Variants in CAMK1G observed in about 807,000 individuals in gnomAD.
The protein encoded by CAMK1G is calcium/calmodulin-dependent protein kinase type 1G.
CAMK1G carries 27 observed loss-of-function variants against 54.8 expected under a neutral mutation model. That is an observed-to-expected ratio of 0.49 (90% confidence interval 0.36 to 0.68). The LOEUF is 0.68. Among genes scored for constraint, CAMK1G ranks in the 30% least tolerant of loss-of-function variants. The pLI, the probability that CAMK1G is intolerant of heterozygous loss-of-function variation, is 0.00. For missense variants in CAMK1G, 512 were observed against 591.0 expected (o/e 0.87, Z 1.39); for synonymous variants, 238 against 224.9 (o/e 1.06, Z -0.52).
chr1:209,611,609 T>TG, intron 10 of CAMK1G, 57 bp downstream of exon 10: 1 of 1,536,030 alleles, frequency 6.5e-7, no homozygotes, highest in Middle Eastern at 1.7e-4. Context: ...GAGGCTGGGC[T>TG]GGCAGGGGCT....
chr1:209,610,933 G>A (rs1665765976), intron 9 of CAMK1G, among the ~76,000 whole-genome samples: 2 of 152,204 alleles, frequency 1.3e-5, no homozygotes, highest in Non-Finnish European at 1.5e-5. Context: ...GGGGCAGCCT[G>A]TACCAGACGG....
chr1:209,592,429 G>A (rs1665281004), intron 1 of CAMK1G, among the ~76,000 whole-genome samples: 1 of 151,454 alleles, frequency 6.6e-6, no homozygotes, highest in African/African-American at 2.4e-5. Flanking sequence ...GTGCACAGCT[G>A]ACTCTCATGA....
chr1:209,593,656 C>G (rs755269685), intron 1 of CAMK1G, among the ~76,000 whole-genome samples: 1 of 142,082 alleles, frequency 7.0e-6, no homozygotes, highest in African/African-American at 2.5e-5. Context: ...TATGACACAT[C>G]GCCTAATACT....
intron 1 of CAMK1G, among the ~76,000 whole-genome samples, chr1:209,591,884 G>A (rs542687474): frequency 3.3e-5 from 5 of 152,198 alleles, no homozygotes; most frequent in African/African-American, 9.6e-5. Flanking sequence ...GGTCATCACC[G>A]TCTCTTCTCA....
chr1:209,607,263 C>T (rs1374855712), intron 6 of CAMK1G, among the ~76,000 whole-genome samples: 1 of 152,208 alleles, frequency 6.6e-6, no homozygotes, highest in Non-Finnish European at 1.5e-5. Context: ...CTCTACACCC[C>T]ACAGGGCTCC....
Position 209,603,245 on chromosome 1 carries a change from G to A in CAMK1G, c.253G>A (p.Asp85Asn). 1.2e-6 allele frequency: 2 copies of A among 1,614,100 alleles called. No individual in the cohort carries two copies. Among genetic ancestry groups the A allele is most frequent in the Non-Finnish European group, 1.7e-6 (2 of 1,180,006 alleles). Residue 85 changes from aspartate (D) to asparagine (N), a missense_variant, in exon 4 of 13, where the codon GAC becomes AAC. Asp to Asn is a conservative substitution (Grantham distance 23, BLOSUM62 1). This residue lies in a region of CAMK1G where 186 missense variants were observed against 231.5 expected (regional missense o/e 0.80). Transcript: ENST00000361322. ...IKHENIVTLE[D>N]IYESTTHYYL... is the part of the protein sequence containing the mutation. ...GCATGAAAACATTGTGACCCTGGAG[G>A]ACATCTATGAGAGCACCACCCACTA...
chr1:209,612,813 G>T lies in CAMK1G; in HGVS notation c.1369G>T (p.Val457Phe), dbSNP rs1306555994. 6.2e-7 allele frequency: 1 copy of T among 1,614,152 alleles called. No individual in the cohort carries two copies. Among genetic ancestry groups the T allele is most frequent in the Admixed American group, 1.7e-5 (1 of 60,028 alleles). The part of the protein sequence containing the change: ...QNFKSEVMVP[V>F]KASGSSHCRA... ...CTTCAAGTCGGAGGTCATGGTACCA[G>T]TTAAAGCCAGTGGCAGCTCCCACTG... Residue 457 changes from valine to phenylalanine, a missense_variant, in exon 12 of 13, where the codon GTT (valine) becomes TTT (phenylalanine). Physicochemically the swap from Val to Phe is conservative, Grantham distance 50 (BLOSUM62 -1). Around this residue, in one of 3 missense-constraint regions of CAMK1G, gnomAD observed 315 missense variants for 330.5 expected, o/e 0.95. Transcript: ENST00000361322.
chr1:209,602,183 T>A (rs1039090019), intron 3 of CAMK1G, among the ~76,000 whole-genome samples: 5 of 152,156 alleles, frequency 3.3e-5, no homozygotes, highest in African/African-American at 1.2e-4. Flanking sequence ...TAATTATTTG[T>A]GGTGCTGGGG....
intron 6 of CAMK1G, 88 bp downstream of exon 6, chr1:209,606,531 A>G (rs1447382318): frequency 6.8e-6 from 10 of 1,468,318 alleles, no homozygotes; most frequent in African/African-American, 1.4e-5. Flanking sequence ...TTCTGAGAAC[A>G]TAGGGTTCAA....
rs12029917 is a variant in CAMK1G, at chr1:209,593,930, C to A, written c.-29-1025C>A. Reference sequence around the variant, plus strand: ...TCCGCCCCTGCCTGCCTCTTCCTACCCACTCACCACCCCCCACCATACGGA... The same window carrying A: ...TCCGCCCCTGCCTGCCTCTTCCTACACACTCACCACCCCCCACCATACGGA... On this transcript the variant is annotated intron_variant, in intron 1 of 12. Transcript: ENST00000361322. Among the ~76,000 whole-genome samples the A allele has an allele frequency of 5.9e-5, 9 of 152,262 alleles. No individual in the cohort carries two copies. In the East Asian group the frequency reaches 1.7e-3, roughly 29 times the overall value.
At chr1:209,604,156 A>G (rs1385791817) in intron 4 of CAMK1G, among the ~76,000 whole-genome samples, 2 of 152,228 alleles carry the variant, frequency 1.3e-5, no homozygotes, top group Admixed American at 6.5e-5. Context: ...AAGAAACTTT[A>G]ACGAGATAAC....
intron 2 of CAMK1G, among the ~76,000 whole-genome samples, chr1:209,596,302 G>C (rs1665380185): frequency 6.6e-6 from 1 of 151,714 alleles, no homozygotes; most frequent in Admixed American, 6.6e-5. Flanking sequence ...GCAGGAGAAA[G>C]AGACAAGCCT....
intron 1 of CAMK1G, among the ~76,000 whole-genome samples, chr1:209,584,967 T>C (rs772402484): frequency 2.6e-5 from 4 of 152,222 alleles, no homozygotes; most frequent in Admixed American, 1.3e-4. Flanking sequence ...TCCCATCAGA[T>C]GGTGTGGCAT....
intron 7 of CAMK1G, among the ~76,000 whole-genome samples, chr1:209,608,258 T>A (rs1665700233): frequency 6.6e-6 from 1 of 152,180 alleles, no homozygotes; most frequent in South Asian, 2.1e-4. Context: ...CTCAGTGGAA[T>A]GAACAGTGAA....
intron 5 of CAMK1G, 125 bp from the exon 6 acceptor site, chr1:209,606,195 G>T: frequency 8.2e-7 from 1 of 1,217,488 alleles, no homozygotes; most frequent in Non-Finnish European, 1.2e-6. Context: ...AAGAATGGGG[G>T]AGGATGAGCT....
chr1:209,605,639 C>A lies in CAMK1G; in HGVS notation c.400C>A (p.Leu134Ile). Residue 134 changes from leucine (L) to isoleucine (I), a missense_variant, in exon 5 of 13, where the codon CTA becomes ATA. Physicochemically the swap from Leu to Ile is conservative, Grantham distance 5 (BLOSUM62 2). Transcript: ENST00000361322. ...GCAGGTCTTGTCGGCAGTGAAATACCTACATGAGAATGGCATCGTCCACAG... is the reference window on the plus strand; with the variant it reads ...GCAGGTCTTGTCGGCAGTGAAATACATACATGAGAATGGCATCGTCCACAG... ...IQQVLSAVKY[L>I]HENGIVHRDL... The A allele has an allele frequency of 6.2e-7, 1 of 1,614,000 alleles. No homozygotes were observed. The highest frequency in any genetic ancestry group is 8.5e-7 in the Non-Finnish European group (1 of 1,179,974).
chr1:209,593,947 C>T (rs887645925), intron 1 of CAMK1G, among the ~76,000 whole-genome samples: 9 of 152,206 alleles, frequency 5.9e-5, no homozygotes, highest in African/African-American at 2.2e-4. Flanking sequence ...CCACCCCCCA[C>T]CATACGGAGC....
chr1:209,585,097 G>A (rs1210816931), intron 1 of CAMK1G, among the ~76,000 whole-genome samples: 1 of 152,180 alleles, frequency 6.6e-6, no homozygotes, highest in Non-Finnish European at 1.5e-5. Flanking sequence ...GATAAATTCA[G>A]TGAACTTTCC....
chr1:209,600,004 C>G lies in CAMK1G; in HGVS notation c.114C>G (p.Phe38Leu), dbSNP rs146389830. ...TCAGAGGAGCTTTCTCAGAAGTTTT[C>G]CTGGTGAAGCAAAGACTGACTGGGA... ...VLGSGAFSEVFLVKQRLTGKL... is the reference protein window; with the variant it reads ...VLGSGAFSEVLLVKQRLTGKL... The change falls in exon 3 of 13, where the codon TTC becomes TTG. Residue 38 changes from phenylalanine to leucine, a missense_variant. Phe to Leu is a conservative substitution (Grantham distance 22). Coordinates refer to ENST00000361322, the MANE Select transcript of CAMK1G (RefSeq NM_020439.3). 2 of 1,613,538 alleles carry G rather than the reference C, an allele frequency of 1.2e-6. No homozygotes were observed. The highest frequency in any genetic ancestry group is 2.7e-5 in the African/African-American group (2 of 74,912).
Sources: allele counts gnomAD v4.1 joint callset (sites outside exome capture counted in the v4.1 genomes callset), GRCh38; gene constraint gnomAD v4.1.1; regional missense constraint gnomAD v4.1.1; transcripts MANE v1.5; gene names NCBI Gene and HGNC (gene_info 2026-07-23, HGNC 2026-07-21).